Variants in RANBP2 observed in about 807,000 individuals in gnomAD.
RANBP2 encodes the protein RAN binding protein 2.
RANBP2 carries 57 observed loss-of-function variants against 303.6 expected under a neutral mutation model. That is an observed-to-expected ratio of 0.19 (90% CI 0.15 to 0.23). RANBP2 has a LOEUF of 0.23. Among genes scored for constraint, RANBP2 ranks in the 10% least tolerant of loss-of-function variants. RANBP2 has a pLI of 1.00. For missense variants in RANBP2, 3,138 were observed against 3,780.8 expected, an observed-to-expected ratio of 0.83 and a Z score of 4.46; for synonymous variants, 1,167 against 1,301.5, an observed-to-expected ratio of 0.90 and a Z score of 2.23.
At chr2:109,184,939 A>G in the RANBP2 span, among the ~76,000 whole-genome samples, 9 of 152,248 alleles carry the variant, frequency 5.9e-5, no homozygotes, top group African/African-American at 2.2e-4. Context: ...TACATTTTCC[A>G]TTTATTTCCA....
chr2:108,781,636 T>C (rs1274324413), intron 26 of RANBP2, among the ~76,000 whole-genome samples: 1 of 152,224 alleles, frequency 6.6e-6, no homozygotes, highest in Non-Finnish European at 1.5e-5. Context: ...ATTCTATATG[T>C]AATTATTGGT....
chr2:109,494,525 C>T, the RANBP2 span, among the ~76,000 whole-genome samples: 3 of 152,150 alleles, frequency 2.0e-5, no homozygotes, highest in South Asian at 6.2e-4. Flanking sequence ...TGGACTTGGG[C>T]CCTGCAGACT....
the RANBP2 span, among the ~76,000 whole-genome samples, chr2:109,249,560 C>G: frequency 5.4e-5 from 7 of 130,750 alleles, no homozygotes; most frequent in Non-Finnish European, 1.1e-4. Flanking sequence ...TCCTTCCTTC[C>G]TTCCTTCCTT....
chr2:109,301,193 G>A, the RANBP2 span, among the ~76,000 whole-genome samples: 2 of 152,190 alleles, frequency 1.3e-5, no homozygotes, highest in Non-Finnish European at 2.9e-5. Flanking sequence ...GATTGCCCTG[G>A]TTCCTCTGCG....
the RANBP2 span, among the ~76,000 whole-genome samples, chr2:109,124,016 AT>A: frequency 1.4e-5 from 2 of 142,466 alleles, no homozygotes; most frequent in Admixed American, 1.4e-4. Context: ...TTATTTATTT[AT>A]TTATTATTTT....
chr2:109,571,012 G>A, the RANBP2 span, among the ~76,000 whole-genome samples: 6 of 152,128 alleles, frequency 3.9e-5, no homozygotes, highest in Admixed American at 3.9e-4. Context: ...GGATCATGGG[G>A]ACAGAGTTGT....
chr2:109,672,366 C>G, the RANBP2 span, among the ~76,000 whole-genome samples: 3 of 152,116 alleles, frequency 2.0e-5, no homozygotes, highest in South Asian at 2.1e-4. Flanking sequence ...GAACCATATA[C>G]CCTTCATTTT....
At chr2:108,816,899 A>G in the RANBP2 span, among the ~76,000 whole-genome samples, 2 of 152,136 alleles carry the variant, frequency 1.3e-5, no homozygotes, top group Admixed American at 1.3e-4. Flanking sequence ...ACCTGGCTTC[A>G]TTGCACAGAA....
the RANBP2 span, among the ~76,000 whole-genome samples, chr2:108,910,299 C>T: frequency 6.6e-6 from 1 of 152,202 alleles, no homozygotes; most frequent in Admixed American, 6.5e-5. Context: ...CCACCTGACC[C>T]CTGCCAGTCA....
the RANBP2 span, among the ~76,000 whole-genome samples, chr2:109,457,627 C>T: frequency 1.3e-5 from 2 of 152,198 alleles, no homozygotes; most frequent in Admixed American, 6.5e-5. Flanking sequence ...ACTGCATGGC[C>T]GGGAGCCCCG....
chr2:109,394,311 G>A, the RANBP2 span, among the ~76,000 whole-genome samples: 1 of 152,208 alleles, frequency 6.6e-6, no homozygotes, highest in African/African-American at 2.4e-5. Flanking sequence ...GTGGTAAGCG[G>A]GGTCCCCTGT....
At chr2:108,915,418 G>A in the RANBP2 span, among the ~76,000 whole-genome samples, 1 of 152,206 alleles carries the variant, frequency 6.6e-6, no homozygotes, top group Non-Finnish European at 1.5e-5. Context: ...TTGGGCTTGG[G>A]AGGGACCAGG....
chr2:108,973,690 C>G, the RANBP2 span, among the ~76,000 whole-genome samples: 2 of 152,152 alleles, frequency 1.3e-5, no homozygotes, highest in Non-Finnish European at 2.9e-5. Context: ...ACATGGTGAC[C>G]GCTGCCTGTT....
the RANBP2 span, chr2:108,884,574 C>T: frequency 5.9e-5 from 9 of 152,178 alleles, no homozygotes; most frequent in Admixed American, 3.3e-4. Context: ...GTGGTAGTGA[C>T]AGCGTATTTC....
At chr2:109,504,666 TCCAGCAGAGG>T in the RANBP2 span, 3 of 152,198 alleles carry the variant, frequency 2.0e-5, no homozygotes, top group African/African-American at 7.2e-5. Flanking sequence ...AGGAGCAGGG[TCCAGCAGAGG>T]CCAAGAGGGA....
chr2:108,969,026 C>T, the RANBP2 span, among the ~76,000 whole-genome samples: 22 of 152,284 alleles, frequency 1.4e-4, no homozygotes, highest in East Asian at 4.2e-3. Flanking sequence ...ATCAGCAAGG[C>T]CACCTCAAGG....
the RANBP2 span, among the ~76,000 whole-genome samples, chr2:109,423,275 G>T: frequency 2.6e-5 from 4 of 152,168 alleles, no homozygotes; most frequent in South Asian, 4.2e-4. Flanking sequence ...CTGAGGTGCA[G>T]ACCAGGGTCC....
At chr2:109,396,063 C>T in the RANBP2 span, among the ~76,000 whole-genome samples, 2 of 152,148 alleles carry the variant, frequency 1.3e-5, no homozygotes, top group Non-Finnish European at 2.9e-5. Flanking sequence ...GAACGTGCTC[C>T]GATGCCAGTG....
At chr2:108,796,715 A>C in the RANBP2 span, among the ~76,000 whole-genome samples, 2 of 152,330 alleles carry the variant, frequency 1.3e-5, no homozygotes, top group African/African-American at 4.8e-5. Context: ...GAAATAAGCC[A>C]GGCACAGAAG....
Sources: allele counts gnomAD v4.1 joint callset (sites outside exome capture counted in the v4.1 genomes callset), GRCh38; gene constraint gnomAD v4.1.1; transcripts MANE v1.5; gene names NCBI Gene and HGNC (gene_info 2026-07-23, HGNC 2026-07-21).